PCBD2: variants seen among roughly 807,000 people sequenced by gnomAD.
PCBD2 encodes the protein pterin-4-alpha-carbinolamine dehydratase 2.
In PCBD2, 12 loss-of-function variants were observed where a neutral mutation model predicts 16.4. The observed-to-expected ratio is 0.73, with a 90% CI of 0.47 to 1.19. The LOEUF is 1.19. Ranked by LOEUF, PCBD2 falls within the 50% of genes most tolerant of loss-of-function variation. PCBD2 has a pLI of 0.00. For synonymous variants in PCBD2, 58 were observed against 61.8 expected (o/e 0.94, Z 0.29); for missense variants, 138 against 156.8 (o/e 0.88, Z 0.64).
At chr5:134,939,796 C>T (rs940558598) in intron 2 of PCBD2, among the ~76,000 whole-genome samples, 5 of 152,170 alleles carry the variant, frequency 3.3e-5, no homozygotes, top group African/African-American at 1.2e-4. Context: ...AAAGACACTT[C>T]CGAGGTCCCA....
chr5:134,939,859 G>A (rs994482185), intron 2 of PCBD2, among the ~76,000 whole-genome samples: 1 of 151,948 alleles, frequency 6.6e-6, no homozygotes, highest in Non-Finnish European at 1.5e-5. Flanking sequence ...CAACCACCAT[G>A]AAAAACCAGC....
intron 2 of PCBD2, chr5:134,924,709 A>AC (rs1456087864): frequency 2.5e-6 from 1 of 395,614 alleles, no homozygotes; most frequent in Non-Finnish European, 4.5e-6. Context: ...ATAAAGTTTG[A>AC]TTATGCCTTT....
intron 2 of PCBD2, among the ~76,000 whole-genome samples, chr5:134,914,717 T>A (rs1028205544): frequency 2.6e-5 from 4 of 151,624 alleles, no homozygotes; most frequent in Admixed American, 1.3e-4. Context: ...TGTCACCCAG[T>A]CTGGAGTACA....
At chr5:134,932,370 C>G (rs1181558189) in intron 2 of PCBD2, among the ~76,000 whole-genome samples, 1 of 151,522 alleles carries the variant, frequency 6.6e-6, no homozygotes, top group African/African-American at 2.4e-5. Flanking sequence ...GAGTTGTAGT[C>G]TTGCTCTGTC....
At chr5:134,928,324 C>T in intron 2 of PCBD2, 1 of 384,034 alleles carries the variant, frequency 2.6e-6, no homozygotes, top group Non-Finnish European at 4.6e-6. Context: ...AAATGAGAGG[C>T]ATTTGGTAAA....
At chr5:134,960,475 C>T (rs1751462540) in intron 3 of PCBD2, 111 bp from the exon 4 acceptor site, 3 of 732,536 alleles carry the variant, frequency 4.1e-6, no homozygotes, top group Admixed American at 3.0e-5. Flanking sequence ...CATTTAATCC[C>T]CCTAATTCTC....
chr5:134,924,247 T>C, intron 2 of PCBD2: 1 of 395,412 alleles, frequency 2.5e-6, no homozygotes, highest in Non-Finnish European at 4.5e-6. Context: ...GGGTGTGTTA[T>C]TATTCTGAAT....
At chr5:134,938,130 C>T (rs774201788) in intron 2 of PCBD2, among the ~76,000 whole-genome samples, 5 of 152,158 alleles carry the variant, frequency 3.3e-5, no homozygotes, top group South Asian at 2.1e-4. Flanking sequence ...CACGAGGAAA[C>T]GTTTTAGCCT....
intron 2 of PCBD2, among the ~76,000 whole-genome samples, chr5:134,930,804 G>T (rs966221550): frequency 6.6e-6 from 1 of 152,202 alleles, no homozygotes; most frequent in African/African-American, 2.4e-5. Context: ...AGGCCTGTTC[G>T]CTGGCTATCC....
chr5:134,911,373 TAG>T (rs1439826042), intron 2 of PCBD2, among the ~76,000 whole-genome samples: 2 of 152,242 alleles, frequency 1.3e-5, no homozygotes, highest in African/African-American at 2.4e-5. Flanking sequence ...CCACCCTGTT[TAG>T]AGAGTCATCT....
intron 2 of PCBD2, among the ~76,000 whole-genome samples, chr5:134,929,799 C>A (rs559527710): frequency 6.6e-6 from 1 of 152,112 alleles, no homozygotes; most frequent in Non-Finnish European, 1.5e-5. Flanking sequence ...TCAAGTGATC[C>A]GCCTGCCTCA....
At chr5:134,907,377 G>A (rs943777772) in intron 1 of PCBD2, among the ~76,000 whole-genome samples, 23 of 152,170 alleles carry the variant, frequency 1.5e-4, no homozygotes, top group African/African-American at 4.6e-4. Flanking sequence ...CTGAGTAGCT[G>A]AGACTATAGG....
chr5:134,955,129 GTA>G (rs34308484), intron 2 of PCBD2, among the ~76,000 whole-genome samples: 82 of 146,534 alleles, frequency 5.6e-4, no homozygotes, highest in African/African-American at 7.7e-4. Context: ...CTTTGCTACA[GTA>G]TATATATATA....
At chr5:134,939,231 T>G (rs1183354938) in intron 2 of PCBD2, among the ~76,000 whole-genome samples, 4 of 152,188 alleles carry the variant, frequency 2.6e-5, no homozygotes, top group Non-Finnish European at 5.9e-5. Flanking sequence ...TTCAGTACCG[T>G]CCTGTCTTCT....
intron 2 of PCBD2, among the ~76,000 whole-genome samples, chr5:134,913,809 C>T (rs1215302176): frequency 1.3e-5 from 2 of 152,008 alleles, no homozygotes; most frequent in Non-Finnish European, 2.9e-5. Flanking sequence ...GTAGAATAAT[C>T]AAGACTTGCT....
chr5:134,960,277 G>A (rs1269075866), intron 3 of PCBD2, among the ~76,000 whole-genome samples: 4 of 152,024 alleles, frequency 2.6e-5, no homozygotes, highest in Admixed American at 1.3e-4. Context: ...GAGTTCAATT[G>A]GAACCTCAGT....
At chr5:134,934,641 A>G (rs1751137735) in intron 2 of PCBD2, among the ~76,000 whole-genome samples, 1 of 152,154 alleles carries the variant, frequency 6.6e-6, no homozygotes, top group East Asian at 1.9e-4. Flanking sequence ...ATATCCTTTA[A>G]CCTACAACTG....
intron 3 of PCBD2, 113 bp from the exon 4 acceptor site, chr5:134,960,473 C>T: frequency 5.6e-6 from 4 of 710,306 alleles, no homozygotes; most frequent in East Asian, 5.6e-5. Context: ...ATCATTTAAT[C>T]CCCCTAATTC....
chr5:134,928,617 G>A (rs958396546), intron 2 of PCBD2: 16 of 185,652 alleles, frequency 8.6e-5, no homozygotes, highest in Admixed American at 2.5e-4. Flanking sequence ...GGCAGATCAC[G>A]AGATCAGGAG....
Sources: gnomAD v4.1 joint callset for allele counts (sites outside exome capture counted in the v4.1 genomes callset) on GRCh38, gnomAD v4.1.1 for gene constraint, MANE v1.5 for transcripts, NCBI Gene and HGNC (gene_info 2026-07-23, HGNC 2026-07-21) for gene names.